Variants in EGFLAM observed in about 807,000 individuals in gnomAD.
EGFLAM encodes EGF like, fibronectin type III and laminin G domains.
Under a neutral mutation model 113.1 loss-of-function variants are expected in EGFLAM, and 79 were observed. That is an observed-to-expected ratio of 0.70 (90% CI 0.58 to 0.84). The LOEUF is 0.84. Ranked by LOEUF, EGFLAM falls within the 40% of genes least tolerant of loss-of-function variation. The pLI is 0.00. For missense variants in EGFLAM, 1,265 were observed against 1,291.6 expected, an observed-to-expected ratio of 0.98 and a Z score of 0.32; for synonymous variants, 504 against 487.6, an observed-to-expected ratio of 1.03 and a Z score of -0.44.
intron 1 of EGFLAM, among the ~76,000 whole-genome samples, chr5:38,295,975 T>C (rs1318364235): frequency 6.6e-6 from 1 of 152,154 alleles, no homozygotes; most frequent in African/African-American, 2.4e-5. Context: ...TCAAAATAAT[T>C]GTGAAGCACT....
At chr5:38,304,521 T>C (rs1758678621) in intron 1 of EGFLAM, among the ~76,000 whole-genome samples, 1 of 152,204 alleles carries the variant, frequency 6.6e-6, no homozygotes, top group Non-Finnish European at 1.5e-5. Flanking sequence ...ACTTGTTCCT[T>C]TAGGTAGGAT....
Position 38,464,334 on chromosome 5 carries a change from A to T in EGFLAM, c.*348A>T, listed in dbSNP as rs779919406. The T allele has an allele frequency of 6.1e-5, 13 of 212,710 alleles. No homozygotes were observed. Among genetic ancestry groups the T allele is most frequent in the Non-Finnish European group, 8.5e-5 (9 of 106,424 alleles). The allele number at this position is 212,710 out of a possible 1,614,324, so 13.2% of individuals were successfully genotyped here. On this transcript the variant is annotated 3_prime_UTR_variant, in exon 22 of 22. Coordinates refer to ENST00000322350, the MANE Select transcript of EGFLAM (RefSeq NM_152403.4). ...GTGATTCATAGTACATTAAAAAGAGAGAGAGAGAGAAAGAATCCCACAGGG... is the reference window on the plus strand; with the variant it reads ...GTGATTCATAGTACATTAAAAAGAGTGAGAGAGAGAAAGAATCCCACAGGG...
chr5:38,333,948 A>C lies in EGFLAM; in HGVS notation c.98-3572A>C, dbSNP rs1579785030. On this transcript the variant is annotated intron_variant, in intron 1 of 21. Transcript: ENST00000322350. ...TTTTTTTTTTTTTTTTTTGAGATGG[A>C]GTTTTGCTCTTTTCACCTAGGCTGG... Among the ~76,000 whole-genome samples the C allele has an allele frequency of 6.6e-5, 3 of 45,310 alleles. No individual in the cohort carries two copies. In the South Asian group the frequency reaches 2.2e-3, roughly 33 times the overall value. The allele number at this position is 45,310 out of a possible 152,430, so 29.7% of individuals were successfully genotyped here. A position where few individuals can be genotyped will look rare whatever the true frequency, so the allele number is the denominator to read the frequency against.
At chr5:38,328,410 CTTCTT>C (rs1306145647) in intron 1 of EGFLAM, among the ~76,000 whole-genome samples, 1 of 152,224 alleles carries the variant, frequency 6.6e-6, no homozygotes, top group African/African-American at 2.4e-5. Flanking sequence ...GTAGCCTTCT[CTTCTT>C]TTAAGATTCC....
At chr5:38,352,027 G>A (rs865814491) in intron 4 of EGFLAM, among the ~76,000 whole-genome samples, 169 bp from the exon 5 acceptor site, 11 of 152,074 alleles carry the variant, frequency 7.2e-5, no homozygotes, top group Non-Finnish European at 1.5e-4. Context: ...GTTTGGTTTG[G>A]GTTTTGAGGC....
intron 19 of EGFLAM, among the ~76,000 whole-genome samples, chr5:38,452,527 G>C (rs143988256): frequency 6.6e-6 from 1 of 152,296 alleles, no homozygotes; most frequent in East Asian, 1.9e-4. Flanking sequence ...GCAGAAAGAA[G>C]ACTTGGATAC....
intron 3 of EGFLAM, among the ~76,000 whole-genome samples, chr5:38,347,624 C>A (rs1190128278): frequency 2.6e-5 from 4 of 152,022 alleles, no homozygotes; most frequent in African/African-American, 9.7e-5. Context: ...GGCCCAGAGG[C>A]ATTGAATGGC....
chr5:38,323,048 A>G (rs535572775), intron 1 of EGFLAM, among the ~76,000 whole-genome samples: 4 of 152,158 alleles, frequency 2.6e-5, no homozygotes, highest in Non-Finnish European at 5.9e-5. Flanking sequence ...ACAGATGGAA[A>G]TATGGTTTTT....
intron 20 of EGFLAM, among the ~76,000 whole-genome samples, chr5:38,462,110 A>G (rs1279257325): frequency 1.3e-5 from 2 of 152,168 alleles, no homozygotes; most frequent in African/African-American, 4.8e-5. Context: ...CGGAGCCTGC[A>G]GTGAGCCGAG....
At chr5:38,410,082 A>T (rs1741429891) in intron 10 of EGFLAM, among the ~76,000 whole-genome samples, 1 of 152,184 alleles carries the variant, frequency 6.6e-6, no homozygotes, top group Non-Finnish European at 1.5e-5. Flanking sequence ...TGAGGGTTAA[A>T]TGAGTTAATT....
chr5:38,403,886 A>C (rs749898074), intron 6 of EGFLAM: 2 of 1,613,956 alleles, frequency 1.2e-6, no homozygotes, highest in Admixed American at 3.3e-5. Flanking sequence ...GAGAACATGC[A>C]TCCAGGTATA....
At chr5:38,410,670 C>T (rs1447565914) in intron 10 of EGFLAM, among the ~76,000 whole-genome samples, 1 of 152,142 alleles carries the variant, frequency 6.6e-6, no homozygotes, top group African/African-American at 2.4e-5. Flanking sequence ...TGACCATGGG[C>T]ACTCCTGGGC....
At chr5:38,394,383 A>AT (rs1740897574) in intron 6 of EGFLAM, among the ~76,000 whole-genome samples, 1 of 150,360 alleles carries the variant, frequency 6.7e-6, no homozygotes, top group South Asian at 2.1e-4. Context: ...ACTTTTTGGT[A>AT]TTTTTGTTCT....
chr5:38,277,812 T>C (rs186115627), intron 1 of EGFLAM, among the ~76,000 whole-genome samples: 2 of 152,130 alleles, frequency 1.3e-5, no homozygotes, highest in South Asian at 2.1e-4. Context: ...ATTGAAATAC[T>C]GAGGAATACA....
At chr5:38,405,965 C>A (rs1561072219) in intron 6 of EGFLAM, 161 bp from the exon 7 acceptor site, 1 of 645,554 alleles carries the variant, frequency 1.5e-6, no homozygotes, top group Non-Finnish European at 2.8e-6. Context: ...TTTTTTATAT[C>A]TTTTGGTCAT....
rs1341178032 is a variant in EGFLAM, at chr5:38,297,920, G to A, written c.97+39069G>A. Reference sequence around the variant, plus strand: ...CCAAAGAGGAGATGGCTTGCAGCTGGGATCCACTCCCCATTACTGTCGTAA... The same window carrying A: ...CCAAAGAGGAGATGGCTTGCAGCTGAGATCCACTCCCCATTACTGTCGTAA... On this transcript the variant is annotated intron_variant, in intron 1 of 21. Transcript: ENST00000322350. 2.0e-5 allele frequency among the ~76,000 whole-genome samples: 3 copies of A among 152,304 alleles called. No homozygotes were observed. The East Asian group carries it at 5.8e-4, about 29-fold the overall frequency.
intron 14 of EGFLAM, among the ~76,000 whole-genome samples, chr5:38,429,301 G>C (rs1232784206): frequency 6.6e-6 from 1 of 152,222 alleles, no homozygotes; most frequent in Non-Finnish European, 1.5e-5. Context: ...AAAAAGGGCT[G>C]CTTATTTCTT....
At chr5:38,452,036 CT>C (rs550236407) in intron 19 of EGFLAM, among the ~76,000 whole-genome samples, 14,255 of 118,266 alleles carry the variant, frequency 0.12, 926 homozygotes, top group African/African-American at 0.18. Context: ...TCCAACAGGA[CT>C]TTTTTTTTTT....
chr5:38,306,459 C>T (rs924625622), intron 1 of EGFLAM, among the ~76,000 whole-genome samples: 3 of 152,224 alleles, frequency 2.0e-5, no homozygotes, highest in African/African-American at 4.8e-5. Context: ...GGAAAGCTAC[C>T]GTTCCTCCCC....
Sources: allele counts gnomAD v4.1 joint callset (sites outside exome capture counted in the v4.1 genomes callset), GRCh38; gene constraint gnomAD v4.1.1; transcripts MANE v1.5; gene names NCBI Gene and HGNC (gene_info 2026-07-23, HGNC 2026-07-21).